The following PTPDC1 variants were observed in gnomAD, a reference collection of about 807,000 sequenced individuals.
PTPDC1 encodes the protein protein tyrosine phosphatase domain-containing protein 1.
Under a neutral mutation model 75.3 loss-of-function variants are expected in PTPDC1, and 53 were observed. The observed-to-expected ratio is 0.70, with a 90% CI of 0.56 to 0.88. The LOEUF is 0.88. Among genes scored for constraint, PTPDC1 ranks in the 40% least tolerant of loss-of-function variants. PTPDC1 has a pLI of 0.00. For missense variants in PTPDC1, 925 were observed against 998.6 expected, an observed-to-expected ratio of 0.93 and a Z score of 0.99; for synonymous variants, 349 against 366.2, an observed-to-expected ratio of 0.95 and a Z score of 0.54.
At chr9:94,033,153 C>T (rs1011369282) in intron 1 of PTPDC1, among the ~76,000 whole-genome samples, 4 of 152,058 alleles carry the variant, frequency 2.6e-5, no homozygotes, top group Admixed American at 1.3e-4. Flanking sequence ...GAGCCACCGT[C>T]CCCAGCCTGC....
chr9:94,049,259 A>T (rs1327274178), intron 1 of PTPDC1, among the ~76,000 whole-genome samples: 1 of 152,142 alleles, frequency 6.6e-6, no homozygotes, highest in Non-Finnish European at 1.5e-5. Context: ...CACTAACCTG[A>T]TGTTAGCTGG....
chr9:94,037,996 C>G (rs748966186), intron 1 of PTPDC1: 3 of 327,250 alleles, frequency 9.2e-6, no homozygotes, highest in Non-Finnish European at 1.8e-5. Flanking sequence ...GGGGTAGGAA[C>G]CTTCGTTGCG....
At chr9:94,054,143 A>G (rs563146763) in intron 1 of PTPDC1, among the ~76,000 whole-genome samples, 1 of 152,242 alleles carries the variant, frequency 6.6e-6, no homozygotes, top group Non-Finnish European at 1.5e-5. Context: ...AAGGCAGACA[A>G]TAGACAGGAC....
rs1307795522 is a variant in PTPDC1 at position 94,043,058 on chromosome 9, T to C, written c.-7+11931T>C. Among the ~76,000 whole-genome samples, 3 of 152,220 alleles carry C rather than the reference T, an allele frequency of 2.0e-5. No homozygotes were observed. The East Asian group carries it at 5.8e-4, about 29-fold the overall frequency. On this transcript the variant is annotated intron_variant, in intron 1 of 9. Transcript: ENST00000375360. The stretch of plus-strand genomic sequence containing the variant: ...CTTCTCTTGCTGTTTACACTACATG[T>C]ACAGATACTTCCTCCACTGAAGTCT...
At chr9:94,094,946 T>A (rs1182438875) in intron 4 of PTPDC1, among the ~76,000 whole-genome samples, 1 of 152,200 alleles carries the variant, frequency 6.6e-6, no homozygotes, top group Non-Finnish European at 1.5e-5. Flanking sequence ...TGAGGCACGG[T>A]GCGTGCGCCC....
chr9:94,093,051 G>A (rs1424537322), intron 4 of PTPDC1, among the ~76,000 whole-genome samples: 5 of 152,040 alleles, frequency 3.3e-5, no homozygotes, highest in Non-Finnish European at 5.9e-5. Flanking sequence ...TTGCCAGTCT[G>A]TGTCTTTTAA....
chr9:94,037,963 G>A (rs1678214163), intron 1 of PTPDC1: 1 of 268,962 alleles, frequency 3.7e-6, no homozygotes, highest in Admixed American at 4.6e-5. Flanking sequence ...TCTCTGTTTT[G>A]AGAGAGTGGG....
intron 8 of PTPDC1, among the ~76,000 whole-genome samples, chr9:94,107,321 A>G (rs1311588292): frequency 6.6e-6 from 1 of 152,186 alleles, no homozygotes; most frequent in African/African-American, 2.4e-5. Flanking sequence ...GAAGGTGGGT[A>G]TCATTATCTC....
At chr9:94,083,940 C>A (rs1434939583), upstream of PTPDC1, among the ~76,000 whole-genome samples, 1 of 151,622 alleles carries the variant, frequency 6.6e-6, no homozygotes, top group Admixed American at 6.5e-5. Flanking sequence ...CCAAGTATTT[C>A]TTTAATAGTT....
Position 94,098,432 on chromosome 9 carries a change from T to C in PTPDC1, c.1866T>C (p.Ser622=). The C allele has an allele frequency of 6.2e-7, 1 of 1,614,164 alleles. No homozygotes were observed. Among genetic ancestry groups the C allele is most frequent in the Non-Finnish European group, 8.5e-7 (1 of 1,180,042 alleles). The change falls in exon 6 of 9, where the codon AGT becomes AGC. Residue 622 remains serine (S), a synonymous_variant. Coordinates refer to ENST00000620992, the MANE Select transcript of PTPDC1 (RefSeq NM_001253829.2). ...QFLVEHETQD[S]KDLSEAASHS... is the part of the protein sequence containing the mutation. The stretch of plus-strand genomic sequence containing the variant: ...TGGTTGAACATGAAACCCAGGACAG[T>C]AAAGATCTGTCTGAAGCAGCTTCAC...
chr9:94,047,610 A>T lies in PTPDC1; in HGVS notation c.-7+16483A>T, dbSNP rs539233157. On this transcript the variant is annotated intron_variant, in intron 1 of 9. Coordinates refer to the PTPDC1 transcript ENST00000375360. ...AATAGAGACACAAAAAACCCTTCAA[A>T]AAATTAATGAATCCAGGAGCTGGTT... Among the ~76,000 whole-genome samples the T allele has an allele frequency of 6.6e-4, 101 of 152,364 alleles. 1 individual carries two copies. The highest frequency in any genetic ancestry group is 2.3e-3 in the African/African-American group (95 of 41,594).
rs1269594710 is a variant in PTPDC1, at chr9:94,109,371, A to G, written c.*1427A>G. The G allele has an allele frequency of 6.6e-6, 1 of 152,256 alleles. No homozygotes were observed. Among genetic ancestry groups the G allele is most frequent in the African/African-American group, 2.4e-5 (1 of 41,466 alleles). The allele number at this position is 152,256 out of a possible 1,614,324, so 9.4% of individuals were successfully genotyped here. On this transcript the variant is annotated 3_prime_UTR_variant, in exon 9 of 9. Coordinates refer to ENST00000620992, the MANE Select transcript of PTPDC1 (RefSeq NM_001253829.2). ...GTCCTACATTTCTGAATTGACTTCT[A>G]GCACATCAAAAATATTTCAGTCATT... is the stretch of plus-strand genomic sequence containing the variant.
chr9:94,085,146 C>G, intron 1 of PTPDC1, 105 bp from the exon 2 acceptor site: 1 of 976,872 alleles, frequency 1.0e-6, no homozygotes, highest in Non-Finnish European at 1.5e-6. Flanking sequence ...TGATTTTGCA[C>G]TGGCTTGTCA....
chr9:94,088,468 G>T (rs928984967), intron 4 of PTPDC1, among the ~76,000 whole-genome samples: 3 of 152,206 alleles, frequency 2.0e-5, no homozygotes, highest in Admixed American at 2.0e-4. Flanking sequence ...ATGTTGGGAG[G>T]AGACCCTGTA....
chr9:94,097,930 C>A lies in PTPDC1; in HGVS notation c.1364C>A (p.Ala455Asp), dbSNP rs761181538. Residue 455 changes from alanine (A) to aspartate (D), a missense_variant, in exon 6 of 9, where the codon GCC becomes GAC. Physicochemically the swap from Ala to Asp is moderately radical, Grantham distance 126. Coordinates refer to ENST00000620992, the MANE Select transcript of PTPDC1 (RefSeq NM_001253829.2). ...LSYSDSDLKR[A>D]ENLLEQGETP... ...TACAGTGACTCAGATTTAAAGAGGG[C>A]CGAGAACCTCCTGGAGCAAGGGGAG... 13 of 1,614,162 alleles carry A rather than the reference C, an allele frequency of 8.1e-6. No homozygotes were observed. In the East Asian group the frequency reaches 2.7e-4, roughly 33 times the overall value.
rs1242047411 is a variant in PTPDC1, at chr9:94,087,174, T to G, written c.417-657T>G. Among the ~76,000 whole-genome samples, 3 of 152,196 alleles carry G rather than the reference T, an allele frequency of 2.0e-5. No homozygotes were observed. The East Asian group carries it at 5.8e-4, about 29-fold the overall frequency. ...GTTTTCTCCATCATGTCCACTAAAATCTCTTGAGAGTTCTTGAAAATACTT... is the reference window on the plus strand; with the variant it reads ...GTTTTCTCCATCATGTCCACTAAAAGCTCTTGAGAGTTCTTGAAAATACTT... On this transcript the variant is annotated intron_variant, in intron 2 of 8. Transcript: ENST00000620992.
chr9:94,088,075 A>G, intron 3 of PTPDC1, 70 bp from the exon 4 acceptor site: 2 of 1,562,152 alleles, frequency 1.3e-6, no homozygotes, highest in Non-Finnish European at 1.7e-6. Context: ...AATGTTGATT[A>G]ATACCAAAAA....
chr9:94,068,203 A>G (rs1222270089), intron 2 of PTPDC1, among the ~76,000 whole-genome samples: 1 of 152,124 alleles, frequency 6.6e-6, no homozygotes, highest in Non-Finnish European at 1.5e-5. Flanking sequence ...CTTACAGTAA[A>G]GGTACAAGAA....
At chr9:94,055,307 T>C (rs548060529) in intron 1 of PTPDC1, among the ~76,000 whole-genome samples, 2 of 152,336 alleles carry the variant, frequency 1.3e-5, no homozygotes, top group South Asian at 4.1e-4. Flanking sequence ...CAGAACTGAA[T>C]ACATGCTTAC....
Sources: allele counts gnomAD v4.1 joint callset (sites outside exome capture counted in the v4.1 genomes callset), GRCh38; gene constraint gnomAD v4.1.1; transcripts MANE v1.5; gene names NCBI Gene and HGNC (gene_info 2026-07-23, HGNC 2026-07-21).